C9: variants seen among roughly 807,000 people sequenced by gnomAD.
C9 encodes complement component C9.
Under a neutral mutation model 65.4 loss-of-function variants are expected in C9, and 63 were observed. That is an observed-to-expected ratio of 0.96 (90% CI 0.79 to 1.19). C9 has a LOEUF of 1.19. Ranked by LOEUF, C9 falls within the 50% of genes most tolerant of loss-of-function variation. The pLI, the probability that C9 is intolerant of heterozygous loss-of-function variation, is 0.00. For missense variants in C9, 744 were observed against 670.1 expected, an observed-to-expected ratio of 1.11 and a Z score of -1.22; for synonymous variants, 229 against 227.9, an observed-to-expected ratio of 1.00 and a Z score of -0.04.
intron 5 of C9, among the ~76,000 whole-genome samples, chr5:39,322,301 A>G (rs1753677765): frequency 6.6e-6 from 1 of 152,020 alleles, no homozygotes; most frequent in African/African-American, 2.4e-5. Flanking sequence ...ATAAATAAAA[A>G]TGAAAACATT....
At chr5:39,298,412 A>G (rs186258338) in intron 9 of C9, among the ~76,000 whole-genome samples, 1 of 151,752 alleles carries the variant, frequency 6.6e-6, no homozygotes, top group East Asian at 1.9e-4. Context: ...GATTAATTAA[A>G]AATCAAACAA....
At chr5:39,318,256 C>A (rs1554049617) in intron 5 of C9, among the ~76,000 whole-genome samples, 8 of 152,164 alleles carry the variant, frequency 5.3e-5, no homozygotes, top group Non-Finnish European at 1.5e-5. Context: ...TGGGCTGAGA[C>A]AACGGGGTTT....
At chr5:39,359,102 G>GTGTGTGTGTATATATATA (rs1407613505) in intron 1 of C9, among the ~76,000 whole-genome samples, 1,962 of 103,564 alleles carry the variant, frequency 0.019, 33 homozygotes, top group Non-Finnish European at 0.027. Flanking sequence ...GTGTGTGTGT[G>GTGTGTGTGTATATATATA]TATATATATA....
At chr5:39,363,884 A>C (rs1368543806) in intron 1 of C9, among the ~76,000 whole-genome samples, 2 of 152,220 alleles carry the variant, frequency 1.3e-5, no homozygotes, top group Non-Finnish European at 2.9e-5. Context: ...CTAAATCCCA[A>C]ATGGCCCTAA....
chr5:39,335,664 G>T (rs1358446819), intron 4 of C9, among the ~76,000 whole-genome samples: 1 of 152,164 alleles, frequency 6.6e-6, no homozygotes, highest in Non-Finnish European at 1.5e-5. Context: ...TGAAAGTTTT[G>T]TACATGTGGG....
At chr5:39,296,006 C>G (rs994239280) in intron 9 of C9, among the ~76,000 whole-genome samples, 1 of 151,538 alleles carries the variant, frequency 6.6e-6, no homozygotes, top group Admixed American at 6.6e-5. Context: ...ATTAACCCCC[C>G]ACTTTTTGTC....
At chr5:39,323,876 G>T (rs1306137222) in intron 5 of C9, among the ~76,000 whole-genome samples, 1 of 152,030 alleles carries the variant, frequency 6.6e-6, no homozygotes, top group Non-Finnish European at 1.5e-5. Context: ...AAAATTGTCT[G>T]CAGATGATAT....
intron 1 of C9, among the ~76,000 whole-genome samples, chr5:39,356,052 G>C (rs1019043110): frequency 6.6e-6 from 1 of 152,144 alleles, no homozygotes; most frequent in Non-Finnish European, 1.5e-5. Flanking sequence ...GGGGAGATCA[G>C]CCCATAACAC....
intron 4 of C9, among the ~76,000 whole-genome samples, chr5:39,340,278 G>A (rs756240013): frequency 6.6e-6 from 1 of 152,178 alleles, no homozygotes; most frequent in South Asian, 2.1e-4. Flanking sequence ...AGGAAATAAA[G>A]CCATATACCA....
At chr5:39,314,886 G>T (rs1381170457) in intron 6 of C9, among the ~76,000 whole-genome samples, 2 of 152,070 alleles carry the variant, frequency 1.3e-5, no homozygotes, top group African/African-American at 4.8e-5. Context: ...GCTATTATAT[G>T]TATTATTTTT....
intron 4 of C9, among the ~76,000 whole-genome samples, chr5:39,337,492 G>A (rs1262944634): frequency 1.3e-5 from 2 of 152,212 alleles, no homozygotes; most frequent in African/African-American, 2.4e-5. Context: ...TCTCATGGAT[G>A]GAAAGTCATC....
intron 6 of C9, 140 bp from the exon 7 acceptor site, chr5:39,311,517 G>C: frequency 1.3e-6 from 1 of 746,150 alleles, no homozygotes; most frequent in Non-Finnish European, 2.3e-6. Context: ...CACCAGAAGG[G>C]CTAAATGTAA....
At chr5:39,301,945 G>A (rs1753291327) in intron 9 of C9, among the ~76,000 whole-genome samples, 1 of 151,980 alleles carries the variant, frequency 6.6e-6, no homozygotes, top group Non-Finnish European at 1.5e-5. Context: ...AAACAACATA[G>A]GCATGTGGTA....
chr5:39,363,527 C>A (rs575434000), intron 1 of C9, among the ~76,000 whole-genome samples: 2 of 152,296 alleles, frequency 1.3e-5, no homozygotes, highest in East Asian at 3.9e-4. Context: ...AGCAGAGGAA[C>A]AGGGCTTGGG....
chr5:39,345,165 A>G (rs1561352422), intron 1 of C9, among the ~76,000 whole-genome samples: 1 of 152,198 alleles, frequency 6.6e-6, no homozygotes, highest in Non-Finnish European at 1.5e-5. Context: ...AAATTCACAC[A>G]TAACAATATT....
At chr5:39,300,279 G>T (rs983801510) in intron 9 of C9, among the ~76,000 whole-genome samples, 1 of 152,138 alleles carries the variant, frequency 6.6e-6, no homozygotes, top group African/African-American at 2.4e-5. Flanking sequence ...GTGCATGGTG[G>T]CAAGCACCTG....
At position 39,306,682 on chromosome 5, in the gene C9, C is replaced by A; in HGVS notation, c.1351G>T (p.Asp451Tyr). 6.2e-7 allele frequency: 1 copy of A among 1,613,734 alleles called. No individual in the cohort carries two copies. Among genetic ancestry groups the A allele is most frequent in the Non-Finnish European group, 8.5e-7 (1 of 1,179,696 alleles). Residue 451 changes from aspartate (D) to tyrosine (Y), a missense_variant, in exon 9 of 11, where the codon GAT (aspartate) becomes TAT (tyrosine). Physicochemically the swap from Asp to Tyr is radical, Grantham distance 160. Coordinates refer to ENST00000263408, the MANE Select transcript of C9 (RefSeq NM_001737.5). Reference protein sequence around the residue: ...KEKLLRGTVIDVTDFVNWASS... With the variant: ...KEKLLRGTVIYVTDFVNWASS... ...GCCCAGTTGACAAAGTCAGTCACAT[C>A]AATCACGGTTCCTCGGAGAAGCTTT...
At chr5:39,307,648 G>A (rs758596281) in intron 8 of C9, among the ~76,000 whole-genome samples, 1 of 152,074 alleles carries the variant, frequency 6.6e-6, no homozygotes, top group South Asian at 2.1e-4. Context: ...TTTTAAAAAT[G>A]TTCTCAGGTA....
At chr5:39,322,002 A>T (rs1211474497) in intron 5 of C9, among the ~76,000 whole-genome samples, 5 of 152,076 alleles carry the variant, frequency 3.3e-5, no homozygotes, top group Admixed American at 3.3e-4. Context: ...GTCCAAATGG[A>T]CCTAACAAAT....
Sources: gnomAD v4.1 joint callset for allele counts (sites outside exome capture counted in the v4.1 genomes callset) on GRCh38, gnomAD v4.1.1 for gene constraint, MANE v1.5 for transcripts, NCBI Gene and HGNC (gene_info 2026-07-23, HGNC 2026-07-21) for gene names.